The following CHEK2 variants were observed in gnomAD, a reference collection of about 807,000 sequenced individuals.
The protein encoded by CHEK2 is checkpoint kinase 2.
CHEK2 carries 71 observed loss-of-function variants against 69.1 expected under a neutral mutation model. The ratio of observed to expected loss-of-function variants is 1.03; its 90% confidence interval spans 0.85 to 1.25. The LOEUF (loss-of-function observed/expected upper bound fraction) is 1.25. Among genes scored for constraint, CHEK2 ranks in the 50% most tolerant of loss-of-function variants. The pLI is 0.00. For missense variants in CHEK2, 664 were observed against 649.6 expected (o/e 1.02, Z -0.24); for synonymous variants, 189 against 226.9 (o/e 0.83, Z 1.50).
At chr22:28,741,005 C>G (rs2054538092) in intron 1 of CHEK2, among the ~76,000 whole-genome samples, 1 of 151,792 alleles carries the variant, frequency 6.6e-6, no homozygotes, top group South Asian at 2.1e-4. Context: ...AAAATACTAG[C>G]CGGGCATGGT....
chr22:28,717,203 C>A (rs2053615860), intron 5 of CHEK2, among the ~76,000 whole-genome samples: 1 of 151,938 alleles, frequency 6.6e-6, no homozygotes, highest in South Asian at 2.1e-4. Flanking sequence ...ACAGTAAAAC[C>A]CCATCTCTAT....
At chr22:28,705,573 A>G (rs979910271) in intron 7 of CHEK2, among the ~76,000 whole-genome samples, 1 of 152,188 alleles carries the variant, frequency 6.6e-6, no homozygotes, top group South Asian at 2.1e-4. Flanking sequence ...TCATTTTTAT[A>G]AGATTCAGAA....
At position 28,687,828 on chromosome 22, in the gene CHEK2, C is replaced by T; in HGVS notation, c.*69G>A. ...AATTAAAATACAAACTATAAAAAAA[C>T]AGACTCAAAGAAAAGAAAGATGACA... On this transcript the variant is annotated 3_prime_UTR_variant, in exon 15 of 15. Coordinates refer to ENST00000404276, the MANE Select transcript of CHEK2 (RefSeq NM_007194.4). 1.6e-6 allele frequency: 2 copies of T among 1,215,916 alleles called. No individual in the cohort carries two copies. The highest frequency in any genetic ancestry group is 2.4e-6 in the Non-Finnish European group (2 of 840,844). 75.3% of individuals were successfully genotyped at this position (1,215,916 alleles called of 1,614,324 possible).
At chr22:28,694,490 A>G (rs1261890342) in intron 12 of CHEK2, among the ~76,000 whole-genome samples, 1 of 152,204 alleles carries the variant, frequency 6.6e-6, no homozygotes, top group African/African-American at 2.4e-5. Context: ...ACAGTTACTC[A>G]GCGAGGGAGA....
intron 4 of CHEK2, chr22:28,721,500 T>A (rs1266135690): frequency 5.5e-6 from 2 of 366,774 alleles, no homozygotes; most frequent in African/African-American, 4.3e-5. Context: ...TTGACCAGGC[T>A]GGTCTCGAAC....
intron 8 of CHEK2, among the ~76,000 whole-genome samples, chr22:28,701,511 C>T (rs2052846931): frequency 1.3e-5 from 2 of 152,180 alleles, no homozygotes; most frequent in Non-Finnish European, 2.9e-5. Flanking sequence ...CACACCCAGC[C>T]TGTTGTCTAT....
Position 28,741,770 on chromosome 22 carries a change from G to A in CHEK2, c.-8C>T, listed in dbSNP as rs539227672. On this transcript the variant is annotated splice_region_variant and 5_prime_UTR_variant, in exon 1 of 15. Coordinates refer to ENST00000404276, the MANE Select transcript of CHEK2 (RefSeq NM_007194.4). ...ACAGAAGTTCCCCATATGACTCACC[G>A]CGTGAGCCCACCTGGAGCCGCACAC... 1.6e-5 allele frequency: 7 copies of A among 434,450 alleles called. No individual in the cohort carries two copies. Among genetic ancestry groups the A allele is most frequent in the African/African-American group, 9.9e-5 (5 of 50,356 alleles). The allele number at this position is 434,450 out of a possible 1,614,324, so 26.9% of individuals were successfully genotyped here. A position where few individuals can be genotyped will look rare whatever the true frequency, so the allele number is the denominator to read the frequency against.
At chr22:28,717,508 A>AGG (rs2145990682) in intron 5 of CHEK2, among the ~76,000 whole-genome samples, 1 of 152,272 alleles carries the variant, frequency 6.6e-6, no homozygotes, top group East Asian at 1.9e-4. Flanking sequence ...CTGAGGCAGG[A>AGG]GGATAACTTG....
In CHEK2 at chr22:28,696,938, A is replaced by G. The variant is rs758434121; in HGVS notation, c.1058T>C (p.Val353Ala). 1 of 1,613,596 alleles carries G rather than the reference A, an allele frequency of 6.2e-7. No individual in the cohort carries two copies. The highest frequency in any genetic ancestry group is 1.1e-5 in the South Asian group (1 of 91,056). Residue 353 changes from valine to alanine, a missense_variant, in exon 10 of 15, where the codon GTT (valine) becomes GCT (alanine). By Grantham distance (64) the Val-to-Ala change is moderately conservative. Transcript: ENST00000404276. ...IIHRDLKPENVLLSSQEEDCL... is the reference protein window; with the variant it reads ...IIHRDLKPENALLSSQEEDCL... The stretch of plus-strand genomic sequence containing the variant: ...GTCCTCTTCTTGAGATGACAGTAAA[A>G]CATTCTCTGGCTTTAAGTCACGGTG...
chr22:28,695,742 G>A lies in CHEK2; in HGVS notation c.1227C>T (p.Asp409=), dbSNP rs2145802224. The A allele has an allele frequency of 1.2e-6, 2 of 1,613,788 alleles. No individual in the cohort carries two copies. The highest frequency in any genetic ancestry group is 8.5e-7 in the Non-Finnish European group (1 of 1,179,716). ...AAAGAATAACTCCTAAACTCCAGCA[G>A]TCCACAGCACGGTTATACCCAGCAG... ...VGTAGYNRAV[D]CWSLGVILFI... Residue 409 remains aspartate, a synonymous_variant, in exon 11 of 15, where the codon GAC becomes GAT. Transcript: ENST00000404276.
intron 7 of CHEK2, among the ~76,000 whole-genome samples, chr22:28,708,373 G>GTGTGTC (rs774558198): frequency 0.023 from 3,454 of 150,562 alleles, 66 homozygotes; most frequent in African/African-American, 0.048. Flanking sequence ...ATGTGTGTGT[G>GTGTGTC]TGTGTGTGTG....
chr22:28,689,851 A>T (rs2052288254), intron 13 of CHEK2, among the ~76,000 whole-genome samples: 1 of 152,214 alleles, frequency 6.6e-6, no homozygotes, highest in South Asian at 2.1e-4. Context: ...GACAGTGTGT[A>T]TGCGAGTAGC....
At chr22:28,708,558 C>G (rs1325573164) in intron 7 of CHEK2, among the ~76,000 whole-genome samples, 2 of 152,174 alleles carry the variant, frequency 1.3e-5, no homozygotes, top group East Asian at 3.9e-4. Flanking sequence ...AAGGAACCTG[C>G]TGAAGTATTG....
chr22:28,740,229 G>C (rs1476761866), intron 1 of CHEK2, among the ~76,000 whole-genome samples: 3 of 152,170 alleles, frequency 2.0e-5, no homozygotes, highest in Non-Finnish European at 4.4e-5. Context: ...ACCAGATAAG[G>C]ATATAAATAT....
chr22:28,739,493 C>T (rs1378975731), intron 1 of CHEK2, among the ~76,000 whole-genome samples: 1 of 151,588 alleles, frequency 6.6e-6, no homozygotes, highest in African/African-American at 2.4e-5. Context: ...AGTTTGAGAC[C>T]AGCCTGGCCA....
chr22:28,724,534 C>T (rs375039913), intron 4 of CHEK2: 19 of 251,726 alleles, frequency 7.5e-5, no homozygotes, highest in South Asian at 5.8e-4. Flanking sequence ...GCAACTAGGA[C>T]GGCAAAGTTG....
intron 5 of CHEK2, among the ~76,000 whole-genome samples, chr22:28,717,840 T>C (rs531690448): frequency 6.6e-6 from 1 of 152,128 alleles, no homozygotes; most frequent in South Asian, 2.1e-4. Flanking sequence ...GACCACACCA[T>C]TGCACACCAT....
intron 7 of CHEK2, among the ~76,000 whole-genome samples, chr22:28,704,700 T>C (rs2053039998): frequency 6.6e-6 from 1 of 152,170 alleles, no homozygotes; most frequent in Non-Finnish European, 1.5e-5. Flanking sequence ...AATAAAAGAT[T>C]TGGTGAGTAT....
Position 28,718,883 on chromosome 22 carries a change from A to AACACACAC in CHEK2, c.683+504_683+511dup, listed in dbSNP as rs144577000. On this transcript the variant is annotated intron_variant, in intron 5 of 14. Transcript: ENST00000404276. ...TGCAACAGAGCAAGACTCTGACACT[A>AACACACAC]ACACACACACACACACACACACACA... Among the ~76,000 whole-genome samples the AACACACAC allele has an allele frequency of 5.9e-3, 825 of 140,524 alleles. 10 individuals are homozygous for AACACACAC. Among genetic ancestry groups the AACACACAC allele is most frequent in the East Asian group, 0.046 (219 of 4,716 alleles). 92.2% of individuals were successfully genotyped at this position (140,524 alleles called of 152,430 possible). A position where few individuals can be genotyped will look rare whatever the true frequency, so the allele number is the denominator to read the frequency against.
Sources: allele counts gnomAD v4.1 joint callset (sites outside exome capture counted in the v4.1 genomes callset), GRCh38; gene constraint gnomAD v4.1.1; transcripts MANE v1.5; gene names NCBI Gene and HGNC (gene_info 2026-07-23, HGNC 2026-07-21).